MCC: variants seen among roughly 807,000 people sequenced by gnomAD.
MCC encodes MCC regulator of Wnt signaling pathway, also known as colorectal mutant cancer protein.
In MCC, 90 loss-of-function variants were observed where a neutral mutation model predicts 116.2. The observed-to-expected ratio is 0.77, with a 90% CI of 0.65 to 0.92. MCC has a LOEUF of 0.92. MCC is among the 40% of genes least tolerant of loss of function. The probability of loss-of-function intolerance (pLI) is 0.00; values close to 1 mark genes in which losing one functional copy is unlikely to be tolerated. For synonymous variants in MCC, 578 were observed against 510.5 expected (o/e 1.13, Z -1.78); for missense variants, 1,516 against 1,312.2 (o/e 1.16, Z -2.40).
chr5:113,335,729 C>G (rs562436751), intron 3 of MCC, among the ~76,000 whole-genome samples: 4 of 151,788 alleles, frequency 2.6e-5, no homozygotes, highest in African/African-American at 9.7e-5. Flanking sequence ...CTGAGTTTTG[C>G]TGCTGCTTTG....
At chr5:113,131,115 G>A (rs1758402103) in intron 5 of MCC, among the ~76,000 whole-genome samples, 1 of 152,182 alleles carries the variant, frequency 6.6e-6, no homozygotes, top group Non-Finnish European at 1.5e-5. Flanking sequence ...ACGAGCAAAG[G>A]GGAGATGAAG....
chr5:113,062,773 T>G (rs1433590536), intron 14 of MCC, among the ~76,000 whole-genome samples: 4 of 152,196 alleles, frequency 2.6e-5, no homozygotes, highest in Non-Finnish European at 5.9e-5. Context: ...GCTGAGTGCA[T>G]TACTGGGCAT....
intron 3 of MCC, among the ~76,000 whole-genome samples, chr5:113,266,125 T>C (rs1765407888): frequency 6.6e-6 from 1 of 152,164 alleles, no homozygotes; most frequent in Non-Finnish European, 1.5e-5. Flanking sequence ...GGAAAAACTG[T>C]TGTTCTTTTT....
chr5:113,064,081 G>C lies in MCC; in HGVS notation c.2116C>G (p.Leu706Val), dbSNP rs1753417215. 1 of 1,614,112 alleles carries C rather than the reference G, an allele frequency of 6.2e-7. No individual in the cohort carries two copies. The highest frequency in any genetic ancestry group is 1.7e-5 in the Admixed American group (1 of 60,018). Residue 706 changes from leucine to valine, a missense_variant, in exon 14 of 19, where the codon CTG becomes GTG. Leu to Val is a conservative substitution (Grantham distance 32, BLOSUM62 1). Coordinates refer to ENST00000408903, the MANE Select transcript of MCC (RefSeq NM_001085377.2). ...RKTAENAAKA[L>V]LMKLDGSCGG... Reference sequence around the variant, plus strand: ...CAGCTGCCGTCCAGCTTCATGAGCAGGGCCTTGGCAGCGTTCTCAGCTGTC... The same window carrying C: ...CAGCTGCCGTCCAGCTTCATGAGCACGGCCTTGGCAGCGTTCTCAGCTGTC...
chr5:113,227,115 G>A (rs1322522115), intron 3 of MCC, among the ~76,000 whole-genome samples: 5 of 152,076 alleles, frequency 3.3e-5, no homozygotes, highest in Non-Finnish European at 7.4e-5. Flanking sequence ...TTTCTAAAAG[G>A]GACTAATTAA....
intron 3 of MCC, among the ~76,000 whole-genome samples, chr5:113,255,681 A>G (rs1401040717): frequency 6.6e-6 from 1 of 152,196 alleles, no homozygotes; most frequent in Non-Finnish European, 1.5e-5. Context: ...TAGGAGGAAT[A>G]TGCTGGGTAG....
chr5:113,064,512 T>G (rs1753453706), intron 13 of MCC, among the ~76,000 whole-genome samples: 1 of 152,208 alleles, frequency 6.6e-6, no homozygotes, highest in South Asian at 2.1e-4. Flanking sequence ...CAGCCACAAG[T>G]CTACCATTTG....
intron 3 of MCC, among the ~76,000 whole-genome samples, chr5:113,266,339 G>A (rs1277557176): frequency 6.6e-6 from 1 of 152,020 alleles, no homozygotes; most frequent in Non-Finnish European, 1.5e-5. Flanking sequence ...CCCCCAAAGT[G>A]GGACTCTTGT....
At chr5:113,205,405 AT>A (rs1370637678) in intron 3 of MCC, among the ~76,000 whole-genome samples, 7 of 152,214 alleles carry the variant, frequency 4.6e-5, no homozygotes, top group African/African-American at 1.4e-4. Flanking sequence ...GTGGGCTTGT[AT>A]CATAGAGAAG....
chr5:113,240,569 T>A (rs771584973), intron 3 of MCC, among the ~76,000 whole-genome samples: 11 of 152,228 alleles, frequency 7.2e-5, no homozygotes, highest in African/African-American at 1.2e-4. Flanking sequence ...CTTCCTCTGA[T>A]ACGTCTTCTT....
At position 113,204,831 on chromosome 5, in the gene MCC, T is replaced by C. The variant is rs543202027; in HGVS notation, c.628-53409A>G. On this transcript the variant is annotated intron_variant, in intron 3 of 18. Transcript: ENST00000408903. The stretch of plus-strand genomic sequence containing the variant: ...ACCTCAAATTCAAGGTGGATTAGTC[T>C]GGAAAACTAAACAATCAGTTTTGAA... 1.1e-4 allele frequency among the ~76,000 whole-genome samples: 16 copies of C among 152,358 alleles called. No homozygotes were observed. The South Asian group carries it at 2.9e-3, about 28-fold the overall frequency.
intron 1 of MCC, among the ~76,000 whole-genome samples, chr5:113,475,456 CT>C (rs1353368559): frequency 6.6e-6 from 1 of 152,162 alleles, no homozygotes; most frequent in East Asian, 1.9e-4. Context: ...ACCTACCCAT[CT>C]TTTTTTCTCC....
At chr5:113,251,171 A>G (rs1270108528) in intron 3 of MCC, among the ~76,000 whole-genome samples, 1 of 152,238 alleles carries the variant, frequency 6.6e-6, no homozygotes, top group Non-Finnish European at 1.5e-5. Context: ...TACTTCTCAC[A>G]CCACCACCTT....
chr5:113,313,619 T>C (rs1369313646), intron 3 of MCC, among the ~76,000 whole-genome samples: 1 of 152,186 alleles, frequency 6.6e-6, no homozygotes, highest in East Asian at 1.9e-4. Flanking sequence ...AGATCAGTAT[T>C]GGCCTTCAGC....
chr5:113,274,840 A>C (rs1263835925), intron 3 of MCC, among the ~76,000 whole-genome samples: 2 of 152,088 alleles, frequency 1.3e-5, no homozygotes, highest in Non-Finnish European at 2.9e-5. Context: ...AACTCTTTCT[A>C]TTTTCATAAA....
At position 113,025,169 on chromosome 5, in the gene MCC, AAAG is replaced by A. The variant is rs1750448175; in HGVS notation, c.*2130_*2132del. On this transcript the variant is annotated 3_prime_UTR_variant, in exon 19 of 19. Transcript: ENST00000408903. ...CATTTGATGCCTGCTTAATCACAAA[AAAG>A]AGCCATGCACATCCCACTTTGCTCA... 6.6e-6 allele frequency: 1 copy of A among 152,160 alleles called. No individual in the cohort carries two copies. The highest frequency in any genetic ancestry group is 1.5e-5 in the Non-Finnish European group (1 of 68,030). 9.4% of individuals were successfully genotyped at this position (152,160 alleles called of 1,614,324 possible).
At chr5:113,215,723 C>T (rs947924430) in intron 3 of MCC, among the ~76,000 whole-genome samples, 3 of 152,186 alleles carry the variant, frequency 2.0e-5, no homozygotes, top group Non-Finnish European at 4.4e-5. Flanking sequence ...TGATCTTGGA[C>T]GTTCCCAGCT....
intron 3 of MCC, among the ~76,000 whole-genome samples, chr5:113,160,338 C>T (rs1476979775): frequency 1.3e-5 from 2 of 152,204 alleles, no homozygotes; most frequent in Admixed American, 1.3e-4. Context: ...AACATATGCT[C>T]CCCTGAAAAT....
chr5:113,454,829 C>T (rs1771499500), intron 1 of MCC, among the ~76,000 whole-genome samples: 1 of 152,022 alleles, frequency 6.6e-6, no homozygotes, highest in African/African-American at 2.4e-5. Flanking sequence ...TAATATAGTA[C>T]TAGAAAATGT....
Sources: allele counts gnomAD v4.1 joint callset (sites outside exome capture counted in the v4.1 genomes callset), GRCh38; gene constraint gnomAD v4.1.1; transcripts MANE v1.5; gene names NCBI Gene and HGNC (gene_info 2026-07-23, HGNC 2026-07-21).